Variants in KCNIP4 observed in about 807,000 individuals in gnomAD.
KCNIP4 encodes Kv channel-interacting protein 4.
Under a neutral mutation model 34.0 loss-of-function variants are expected in KCNIP4, and 12 were observed. That is an observed-to-expected ratio of 0.35 (90% CI 0.23 to 0.57). The LOEUF is 0.57. Among genes scored for constraint, KCNIP4 ranks in the 20% least tolerant of loss-of-function variants. The pLI, the probability that KCNIP4 is intolerant of heterozygous loss-of-function variation, is 0.83. For missense variants in KCNIP4, 238 were observed against 311.7 expected (o/e 0.76, Z 1.78); for synonymous variants, 124 against 102.2 (o/e 1.21, Z -1.29).
In KCNIP4 at chr4:21,217,531, G is replaced by A. The variant is rs531299217; in HGVS notation, c.62-334822C>T. 3.8e-4 allele frequency among the ~76,000 whole-genome samples: 58 copies of A among 152,264 alleles called. 1 individual carries two copies. The South Asian group carries it at 0.01, about 27-fold the overall frequency. On this transcript the variant is annotated intron_variant, in intron 1 of 8. Coordinates refer to ENST00000382152, the MANE Select transcript of KCNIP4 (RefSeq NM_025221.6). ...CTGTAGAACCCAACTTATAAAGTGC[G>A]CATTTAAAATGCACATTTGAAAGTG... is the stretch of plus-strand genomic sequence containing the variant.
intron 1 of KCNIP4, among the ~76,000 whole-genome samples, chr4:21,390,819 G>A (rs901136286): frequency 6.6e-6 from 1 of 152,068 alleles, no homozygotes; most frequent in Admixed American, 6.6e-5. Flanking sequence ...CATACCTTGT[G>A]TATATTTTTG....
In KCNIP4 at chr4:21,188,663, C is replaced by CT. The variant is rs1160878208; in HGVS notation, c.62-305955dup. Among the ~76,000 whole-genome samples, 15 of 152,132 alleles carry CT rather than the reference C, an allele frequency of 9.9e-5. No homozygotes were observed. The East Asian group carries it at 2.9e-3, about 29-fold the overall frequency. On this transcript the variant is annotated intron_variant, in intron 1 of 8. Coordinates refer to ENST00000382152, the MANE Select transcript of KCNIP4 (RefSeq NM_025221.6). ...AAGTACTCTTTGAGAGATGAACTCC[C>CT]TTTTTTCCATATATGTATCTGGATT... is the stretch of plus-strand genomic sequence containing the variant.
intron 1 of KCNIP4, among the ~76,000 whole-genome samples, chr4:21,213,524 A>T (rs185190296): frequency 5.7e-4 from 86 of 151,928 alleles, no homozygotes; most frequent in African/African-American, 2.0e-3. Context: ...CTGGTCTCGA[A>T]CTCTTGACCT....
chr4:21,729,385 A>C (rs1008073809), intron 1 of KCNIP4, among the ~76,000 whole-genome samples: 7 of 152,174 alleles, frequency 4.6e-5, no homozygotes, highest in Non-Finnish European at 8.8e-5. Flanking sequence ...TGCCACTATA[A>C]ATTTTCTGGC....
intron 3 of KCNIP4, among the ~76,000 whole-genome samples, chr4:20,845,352 T>C (rs1204792322): frequency 6.6e-6 from 1 of 152,104 alleles, no homozygotes; most frequent in African/African-American, 2.4e-5. Context: ...AACTGATCAA[T>C]CAACCTAGTG....
At chr4:21,438,862 G>T (rs1031760543) in intron 1 of KCNIP4, among the ~76,000 whole-genome samples, 1 of 152,096 alleles carries the variant, frequency 6.6e-6, no homozygotes, top group Non-Finnish European at 1.5e-5. Flanking sequence ...TACTGGAAAT[G>T]ATTAAAAAGT....
At chr4:21,065,767 A>ATAG (rs1553933180) in intron 1 of KCNIP4, among the ~76,000 whole-genome samples, 18 of 96,242 alleles carry the variant, frequency 1.9e-4, no homozygotes, top group Non-Finnish European at 2.2e-5. Context: ...TATATATATA[A>ATAG]CTCAATTTTA....
chr4:21,451,182 A>G (rs922379463), intron 1 of KCNIP4, among the ~76,000 whole-genome samples: 3 of 152,122 alleles, frequency 2.0e-5, no homozygotes, highest in African/African-American at 7.2e-5. Context: ...GTTAATGTGA[A>G]GCTAGTTTTT....
intron 1 of KCNIP4, among the ~76,000 whole-genome samples, chr4:21,706,692 C>A (rs1227837129): frequency 1.3e-5 from 2 of 152,138 alleles, no homozygotes; most frequent in East Asian, 3.9e-4. Context: ...CCCAAGAAGA[C>A]TCTTCTCACA....
intron 1 of KCNIP4, among the ~76,000 whole-genome samples, chr4:21,642,162 A>C (rs538873613): frequency 6.6e-6 from 1 of 152,338 alleles, no homozygotes; most frequent in East Asian, 1.9e-4. Context: ...CATAGTAAAC[A>C]AAGTGTGGCA....
chr4:20,735,558 C>G (rs1749424913), intron 5 of KCNIP4, among the ~76,000 whole-genome samples: 1 of 119,334 alleles, frequency 8.4e-6, no homozygotes, highest in South Asian at 2.9e-4. Context: ...GAGATGGAAT[C>G]TCGCACTGTT....
intron 1 of KCNIP4, among the ~76,000 whole-genome samples, chr4:21,593,119 T>TTGTGTG (rs536946716): frequency 7.4e-6 from 1 of 134,872 alleles, no homozygotes; most frequent in Admixed American, 7.4e-5. Context: ...GTGTGTGTGT[T>TTGTGTG]TGTGTGTGTG....
At chr4:20,973,092 G>T (rs1051883947) in intron 1 of KCNIP4, among the ~76,000 whole-genome samples, 1 of 152,146 alleles carries the variant, frequency 6.6e-6, no homozygotes, top group Non-Finnish European at 1.5e-5. Flanking sequence ...GAGAGTCAGC[G>T]TGTCCTTTGA....
At chr4:20,840,747 C>A (rs1719623445) in intron 3 of KCNIP4, among the ~76,000 whole-genome samples, 1 of 152,202 alleles carries the variant, frequency 6.6e-6, no homozygotes, top group Admixed American at 6.5e-5. Context: ...TCTTAAACCA[C>A]TGAGTTACTG....
intron 1 of KCNIP4, among the ~76,000 whole-genome samples, chr4:21,319,076 A>C (rs1206428150): frequency 6.6e-6 from 1 of 152,174 alleles, no homozygotes; most frequent in Non-Finnish European, 1.5e-5. Flanking sequence ...TTGGAGAAAA[A>C]TGCGCTAAAA....
At chr4:21,117,036 G>C (rs1344491898) in intron 1 of KCNIP4, among the ~76,000 whole-genome samples, 2 of 152,082 alleles carry the variant, frequency 1.3e-5, no homozygotes, top group Non-Finnish European at 2.9e-5. Context: ...TTGTTTTCAT[G>C]TGTCACTTCC....
intron 2 of KCNIP4, among the ~76,000 whole-genome samples, chr4:20,869,689 GTTGTT>G (rs1723241112): frequency 6.6e-6 from 1 of 152,038 alleles, no homozygotes; most frequent in Admixed American, 6.6e-5. Flanking sequence ...ATTTCTTAAA[GTTGTT>G]TTAAGAGATT....
At chr4:21,156,832 A>G (rs1377580419) in intron 1 of KCNIP4, among the ~76,000 whole-genome samples, 1 of 152,132 alleles carries the variant, frequency 6.6e-6, no homozygotes, top group Admixed American at 6.6e-5. Flanking sequence ...TGTGTTGTTC[A>G]TGTTCACAAA....
chr4:20,901,267 T>C (rs548568603), intron 1 of KCNIP4, among the ~76,000 whole-genome samples: 84 of 152,334 alleles, frequency 5.5e-4, no homozygotes, highest in African/African-American at 1.9e-3. Context: ...GAAACTCCTT[T>C]CTTCAGTTCT....
Sources: gnomAD v4.1 joint callset for allele counts (sites outside exome capture counted in the v4.1 genomes callset) on GRCh38, gnomAD v4.1.1 for gene constraint, MANE v1.5 for transcripts, NCBI Gene and HGNC (gene_info 2026-07-23, HGNC 2026-07-21) for gene names.